MALRD1: variants seen among roughly 807,000 people sequenced by gnomAD.
MALRD1 encodes MAM and LDL-receptor class A domain-containing protein 1.
MALRD1 carries 247 observed loss-of-function variants against 242.1 expected under a neutral mutation model. The ratio of observed to expected loss-of-function variants is 1.02; its 90% CI spans 0.92 to 1.13. The LOEUF is 1.13. MALRD1 is among the 50% of genes most tolerant of loss of function. MALRD1 has a pLI of 0.00. For synonymous variants in MALRD1, 995 were observed against 866.6 expected (o/e 1.15, Z -2.60); for missense variants, 2,989 against 2,533.1 (o/e 1.18, Z -3.86).
chr10:19,222,637 T>A (rs1837610016), intron 18 of MALRD1, among the ~76,000 whole-genome samples: 1 of 151,894 alleles, frequency 6.6e-6, no homozygotes, highest in Non-Finnish European at 1.5e-5. Context: ...AAAGCAGGAG[T>A]TTATTTCTCT....
At chr10:19,650,221 C>T (rs546737964) in intron 36 of MALRD1, among the ~76,000 whole-genome samples, 1 of 152,112 alleles carries the variant, frequency 6.6e-6, no homozygotes, top group Non-Finnish European at 1.5e-5. Context: ...ATTATCCTAT[C>T]TGAAAAAGTC....
intron 28 of MALRD1, among the ~76,000 whole-genome samples, chr10:19,432,501 T>A (rs1389323420): frequency 6.6e-6 from 1 of 152,184 alleles, no homozygotes; most frequent in East Asian, 1.9e-4. Context: ...ATTCATTCAG[T>A]TGAAATTAAT....
At chr10:19,179,324 G>A (rs1835394066) in intron 14 of MALRD1, among the ~76,000 whole-genome samples, 1 of 152,156 alleles carries the variant, frequency 6.6e-6, no homozygotes, top group Non-Finnish European at 1.5e-5. Flanking sequence ...TAAAGTCAAT[G>A]ACAATGTATT....
chr10:19,208,609 A>G (rs543498711), intron 17 of MALRD1, among the ~76,000 whole-genome samples: 132 of 152,262 alleles, frequency 8.7e-4, no homozygotes, highest in African/African-American at 3.0e-3. Flanking sequence ...GGTCAGGAAA[A>G]CATCTACATC....
chr10:19,657,505 A>G (rs1423616295), intron 36 of MALRD1, among the ~76,000 whole-genome samples: 1 of 152,082 alleles, frequency 6.6e-6, no homozygotes, highest in Non-Finnish European at 1.5e-5. Context: ...AAATGACTAC[A>G]AAGACAGTAA....
At chr10:19,065,834 C>A (rs981398771) in intron 1 of MALRD1, among the ~76,000 whole-genome samples, 1 of 152,062 alleles carries the variant, frequency 6.6e-6, no homozygotes, top group South Asian at 2.1e-4. Flanking sequence ...AATGATGAGG[C>A]GCTGTATTTA....
At chr10:19,485,655 A>AAC (rs1009805142) in intron 29 of MALRD1, among the ~76,000 whole-genome samples, 1 of 151,366 alleles carries the variant, frequency 6.6e-6, no homozygotes, top group African/African-American at 2.4e-5. Flanking sequence ...TTAAAAAAAA[A>AAC]AAAATAGTAA....
rs1053468848 is a variant in MALRD1, at chr10:19,184,367, T to G, written c.1951+9039T>G. The stretch of plus-strand genomic sequence containing the variant: ...GTGTCTTCCCATAGTTCCAGTGTTC[T>G]GAAAAGTCCATTTCTCCTGGACGGG... On this transcript the variant is annotated intron_variant, in intron 14 of 39. Coordinates refer to ENST00000454679, the MANE Select transcript of MALRD1 (RefSeq NM_001142308.3). 6.6e-5 allele frequency among the ~76,000 whole-genome samples: 10 copies of G among 152,308 alleles called. No individual in the cohort carries two copies. In the East Asian group the frequency reaches 1.9e-3, roughly 29 times the overall value.
intron 31 of MALRD1, among the ~76,000 whole-genome samples, chr10:19,518,298 A>G (rs1377223277): frequency 1.3e-5 from 2 of 152,224 alleles, no homozygotes; most frequent in East Asian, 1.9e-4. Flanking sequence ...CAACATTAAC[A>G]TGGCAATCTG....
chr10:19,485,627 A>G (rs1253688814), intron 29 of MALRD1, among the ~76,000 whole-genome samples: 2 of 147,472 alleles, frequency 1.4e-5, no homozygotes, highest in African/African-American at 2.5e-5. Context: ...TGGGCGACAG[A>G]GCAAGACTCC....
intron 13 of MALRD1, 65 bp from the exon 14 acceptor site, chr10:19,175,143 A>C: frequency 1.7e-6 from 2 of 1,150,434 alleles, no homozygotes; most frequent in Non-Finnish European, 2.2e-6. Flanking sequence ...TACACAAAGA[A>C]ATATGATTGT....
At chr10:19,139,380 T>G (rs949287891) in intron 10 of MALRD1, among the ~76,000 whole-genome samples, 2 of 152,218 alleles carry the variant, frequency 1.3e-5, no homozygotes, top group South Asian at 4.1e-4. Context: ...ATATCAAGTT[T>G]TTTTCATAAA....
chr10:19,387,891 G>A (rs73593897), intron 27 of MALRD1, 118 bp downstream of exon 27: 61,533 of 1,282,280 alleles, frequency 0.048, 1,958 homozygotes, highest in African/African-American at 0.14. Context: ...ATTGCAAGGC[G>A]ATCAAACATT....
intron 33 of MALRD1, among the ~76,000 whole-genome samples, chr10:19,569,004 A>G (rs1184083648): frequency 6.6e-6 from 1 of 152,168 alleles, no homozygotes; most frequent in Non-Finnish European, 1.5e-5. Context: ...TAATGGCTTT[A>G]TGATAAATAA....
chr10:19,160,022 A>G (rs1020921078), intron 12 of MALRD1, among the ~76,000 whole-genome samples: 8 of 152,170 alleles, frequency 5.3e-5, no homozygotes, highest in Admixed American at 1.3e-4. Flanking sequence ...AACCACATGA[A>G]ATTCTCTTGA....
chr10:19,674,254 G>A (rs994611931), intron 36 of MALRD1, among the ~76,000 whole-genome samples: 3 of 152,130 alleles, frequency 2.0e-5, no homozygotes, highest in Non-Finnish European at 2.9e-5. Flanking sequence ...GAAAACACAT[G>A]GTTTGATAGG....
At chr10:19,598,513 G>A (rs936456881) in intron 34 of MALRD1, 2 of 151,648 alleles carry the variant, frequency 1.3e-5, no homozygotes, top group Admixed American at 1.3e-4. Flanking sequence ...TTCTAATTTG[G>A]ACATCAGGTC....
intron 36 of MALRD1, among the ~76,000 whole-genome samples, chr10:19,684,256 T>C (rs1183261107): frequency 1.3e-5 from 2 of 152,196 alleles, no homozygotes; most frequent in East Asian, 3.8e-4. Flanking sequence ...TCTTCTCCAC[T>C]GTGAAATGAG....
At chr10:19,449,334 G>T (rs1180095766) in intron 28 of MALRD1, among the ~76,000 whole-genome samples, 6 of 152,106 alleles carry the variant, frequency 3.9e-5, no homozygotes, top group South Asian at 2.1e-4. Context: ...GTGCCACCAC[G>T]CCCGGCTAAT....
Sources: gnomAD v4.1 joint callset for allele counts (sites outside exome capture counted in the v4.1 genomes callset) on GRCh38, gnomAD v4.1.1 for gene constraint, MANE v1.5 for transcripts, NCBI Gene and HGNC (gene_info 2026-07-23, HGNC 2026-07-21) for gene names.